RAD23B: variants seen among roughly 807,000 people sequenced by gnomAD.
RAD23B encodes the protein RAD23 nucleotide excision repair protein B.
In RAD23B, 5 loss-of-function variants were observed where a neutral mutation model predicts 49.1. That is an observed-to-expected ratio of 0.10 (90% CI 0.05 to 0.21). The LOEUF is 0.21. Ranked by LOEUF, RAD23B falls within the 10% of genes least tolerant of loss-of-function variation. The probability of loss-of-function intolerance (pLI) is 1.00; values close to 1 mark genes in which losing one functional copy is unlikely to be tolerated. For synonymous variants in RAD23B, 184 were observed against 165.4 expected (o/e 1.11, Z -0.86); for missense variants, 356 against 486.7 (o/e 0.73, Z 2.53).
intron 3 of RAD23B, 45 bp downstream of exon 3, chr9:107,302,159 T>C: frequency 6.2e-7 from 1 of 1,606,830 alleles, no homozygotes; most frequent in Non-Finnish European, 8.5e-7. Context: ...ATGTAGGTCT[T>C]TTTAAAAATG....
chr9:107,319,595 A>G (rs1827069769), intron 6 of RAD23B, among the ~76,000 whole-genome samples: 1 of 152,182 alleles, frequency 6.6e-6, no homozygotes, highest in Non-Finnish European at 1.5e-5. Context: ...GATTAAGGAA[A>G]ATATTTTAGA....
In RAD23B at chr9:107,331,882, G is replaced by C; in HGVS notation, c.*2226G>C. On this transcript the variant is annotated 3_prime_UTR_variant, in exon 10 of 10. Coordinates refer to ENST00000358015, the MANE Select transcript of RAD23B (RefSeq NM_002874.5). ...AGCCGAGACACCATAAAAGAAATAG[G>C]CTTTTTGTGCCTTTTGCTGTTAATG... The C allele has an allele frequency of 2.0e-6, 1 of 496,946 alleles. No individual in the cohort carries two copies. Among genetic ancestry groups the C allele is most frequent in the Non-Finnish European group, 3.6e-6 (1 of 278,210 alleles). 30.8% of individuals were successfully genotyped at this position (496,946 alleles called of 1,614,324 possible). A position where few individuals can be genotyped will look rare whatever the true frequency, so the allele number is the denominator to read the frequency against.
chr9:107,299,338 G>A (rs1404787275), intron 1 of RAD23B, among the ~76,000 whole-genome samples: 2 of 152,138 alleles, frequency 1.3e-5, no homozygotes, highest in South Asian at 2.1e-4. Context: ...AAAGGCAAAT[G>A]GGAAAGCCAT....
intron 9 of RAD23B, among the ~76,000 whole-genome samples, chr9:107,327,494 T>G (rs1272892261): frequency 4.6e-5 from 7 of 152,228 alleles, no homozygotes; most frequent in African/African-American, 1.7e-4. Context: ...TCAAAATGTT[T>G]TTTAATTTCC....
At chr9:107,299,609 T>A (rs10481632) in intron 1 of RAD23B, among the ~76,000 whole-genome samples, 25,425 of 152,160 alleles carry the variant, frequency 0.17, 2,523 homozygotes, top group Admixed American at 0.24. Context: ...TAAAACTTTT[T>A]AAAAATACTG....
chr9:107,314,757 T>C (rs1166798270), intron 5 of RAD23B, among the ~76,000 whole-genome samples: 2 of 152,232 alleles, frequency 1.3e-5, no homozygotes, highest in Non-Finnish European at 2.9e-5. Context: ...CGTACTGTTT[T>C]CCATAAAGGA....
At chr9:107,311,798 T>G (rs1826894725) in intron 5 of RAD23B, 61 bp downstream of exon 5, 1 of 1,251,846 alleles carries the variant, frequency 8.0e-7, no homozygotes, top group Non-Finnish European at 1.1e-6. Context: ...GTTTCACTTT[T>G]CTAGATCATG....
chr9:107,285,865 T>C (rs926106427), intron 1 of RAD23B, among the ~76,000 whole-genome samples: 16 of 152,238 alleles, frequency 1.1e-4, no homozygotes, highest in African/African-American at 3.1e-4. Context: ...TTAGGAAATA[T>C]TTTTCATGAC....
intron 2 of RAD23B, 120 bp from the exon 3 acceptor site, chr9:107,301,915 G>T: frequency 3.8e-6 from 5 of 1,322,736 alleles, no homozygotes; most frequent in Admixed American, 2.7e-5. Flanking sequence ...TAGAATTTAT[G>T]TTGGTGATTC....
intron 2 of RAD23B, among the ~76,000 whole-genome samples, chr9:107,301,477 AATTG>A (rs1826651597): frequency 6.6e-6 from 1 of 152,160 alleles, no homozygotes; most frequent in Admixed American, 6.6e-5. Flanking sequence ...CATTTGTAAA[AATTG>A]ATTGTCATTC....
chr9:107,298,266 G>T (rs1826573762), intron 1 of RAD23B, among the ~76,000 whole-genome samples: 1 of 152,034 alleles, frequency 6.6e-6, no homozygotes, highest in Admixed American at 6.6e-5. Context: ...ATTTAAATAA[G>T]TTATTGAGGG....
chr9:107,310,813 A>G (rs1356926388), intron 4 of RAD23B, among the ~76,000 whole-genome samples: 1 of 152,198 alleles, frequency 6.6e-6, no homozygotes, highest in African/African-American at 2.4e-5. Flanking sequence ...GGTCGTTGAC[A>G]TTGTACTGAT....
intron 4 of RAD23B, among the ~76,000 whole-genome samples, chr9:107,307,988 A>T (rs961872132): frequency 6.6e-6 from 1 of 152,136 alleles, no homozygotes; most frequent in Non-Finnish European, 1.5e-5. Flanking sequence ...AGGGCTGTTG[A>T]TCAGGTCTGT....
chr9:107,288,363 C>G (rs1797361629), intron 1 of RAD23B, among the ~76,000 whole-genome samples: 1 of 151,998 alleles, frequency 6.6e-6, no homozygotes, highest in African/African-American at 2.4e-5. Context: ...TTTTAAAAAC[C>G]AGGTAATGGT....
chr9:107,292,769 G>A (rs184260363), intron 1 of RAD23B, among the ~76,000 whole-genome samples: 3 of 151,292 alleles, frequency 2.0e-5, no homozygotes, highest in African/African-American at 7.3e-5. Flanking sequence ...TGAGTAGCCA[G>A]GATTCAAATT....
At chr9:107,327,045 TATA>T (rs2133100650) in intron 9 of RAD23B, among the ~76,000 whole-genome samples, 1 of 152,346 alleles carries the variant, frequency 6.6e-6, no homozygotes, top group South Asian at 2.1e-4. Context: ...CATATTTCCT[TATA>T]ATCATTTTAT....
At chr9:107,323,844 G>A in intron 7 of RAD23B, 46 bp from the exon 8 acceptor site, 1 of 1,520,426 alleles carries the variant, frequency 6.6e-7, no homozygotes, top group Non-Finnish European at 9.1e-7. Flanking sequence ...CACTGTTTGT[G>A]TATGTATTTA....
intron 6 of RAD23B, 114 bp from the exon 7 acceptor site, chr9:107,321,869 G>T (rs949763656): frequency 8.7e-7 from 1 of 1,153,736 alleles, no homozygotes; most frequent in African/African-American, 1.6e-5. Context: ...GCAGACATCT[G>T]TTTGATGCTT....
chr9:107,284,214 C>T (rs762815566), intron 1 of RAD23B: 134 of 985,590 alleles, frequency 1.4e-4, no homozygotes, highest in Middle Eastern at 5.2e-4. Flanking sequence ...ATGAATTTGC[C>T]CCTTTCCCCT....
Sources: allele counts gnomAD v4.1 joint callset (sites outside exome capture counted in the v4.1 genomes callset), GRCh38; gene constraint gnomAD v4.1.1; transcripts MANE v1.5; gene names NCBI Gene and HGNC (gene_info 2026-07-23, HGNC 2026-07-21).